The following IGF1R variants were observed in gnomAD, a reference collection of about 807,000 sequenced individuals.
The protein encoded by IGF1R is insulin-like growth factor 1 receptor.
A neutral mutation model predicts 144.6 loss-of-function variants in IGF1R; 44 were observed. That is an observed-to-expected ratio of 0.30 (90% CI 0.24 to 0.39). IGF1R has a LOEUF of 0.39. IGF1R is among the 10% of genes least tolerant of loss of function. IGF1R has a pLI of 1.00. For synonymous variants in IGF1R, 795 were observed against 722.8 expected (o/e 1.10, Z -1.60); for missense variants, 1,355 against 1,833.7 (o/e 0.74, Z 4.77).
intron 2 of IGF1R, among the ~76,000 whole-genome samples, chr15:98,743,325 G>A (rs2054790612): frequency 6.6e-6 from 1 of 152,142 alleles, no homozygotes; most frequent in African/African-American, 2.4e-5. Flanking sequence ...GAATTTTCAT[G>A]TCATTTGGAG....
chr15:98,735,428 C>T (rs1280610682), intron 2 of IGF1R, among the ~76,000 whole-genome samples: 11 of 152,204 alleles, frequency 7.2e-5, no homozygotes, highest in African/African-American at 2.7e-4. Context: ...ACCCTGCATC[C>T]CCACCTTCAG....
intron 2 of IGF1R, among the ~76,000 whole-genome samples, chr15:98,852,047 T>G (rs74649953): frequency 6.6e-6 from 1 of 152,088 alleles, no homozygotes; most frequent in South Asian, 2.1e-4. Context: ...AGGTGGAGGG[T>G]TGGGGTGGAG....
At chr15:98,650,038 C>T (rs1418363741) in intron 1 of IGF1R, among the ~76,000 whole-genome samples, 1 of 152,114 alleles carries the variant, frequency 6.6e-6, no homozygotes, top group African/African-American at 2.4e-5. Flanking sequence ...CTCGCCCCTT[C>T]CATGCGCAAG....
intron 2 of IGF1R, among the ~76,000 whole-genome samples, chr15:98,784,043 C>CTTG (rs1279361612): frequency 3.0e-5 from 4 of 131,956 alleles, no homozygotes; most frequent in African/African-American, 1.1e-4. Flanking sequence ...GGCGCAGTCT[C>CTTG]AGCTCACTGC....
chr15:98,785,883 A>G (rs2055981843), intron 2 of IGF1R, among the ~76,000 whole-genome samples: 2 of 152,266 alleles, frequency 1.3e-5, no homozygotes, highest in South Asian at 4.1e-4. Context: ...TTTCCTTAAA[A>G]CAAAGCACAC....
intron 1 of IGF1R, among the ~76,000 whole-genome samples, chr15:98,653,320 T>C (rs73473419): frequency 0.011 from 1,657 of 152,318 alleles, 42 homozygotes; most frequent in African/African-American, 0.038. Flanking sequence ...GGGCTGTTTG[T>C]ATTTCCAGTT....
At chr15:98,897,798 G>A (rs891927993) in intron 4 of IGF1R, among the ~76,000 whole-genome samples, 2 of 152,178 alleles carry the variant, frequency 1.3e-5, no homozygotes, top group Non-Finnish European at 1.5e-5. Flanking sequence ...TAGTAATGGT[G>A]CCTTAAATTC....
At chr15:98,800,072 A>T (rs1454363332) in intron 2 of IGF1R, among the ~76,000 whole-genome samples, 2 of 152,172 alleles carry the variant, frequency 1.3e-5, no homozygotes, top group Non-Finnish European at 2.9e-5. Flanking sequence ...TGCTGAGTCT[A>T]AAAAGTTTGG....
rs138786438 is a variant in IGF1R at position 98,674,052 on chromosome 15, G to A, written c.94+24377G>A. 1.2e-4 allele frequency among the ~76,000 whole-genome samples: 19 copies of A among 152,316 alleles called. No individual in the cohort carries two copies. In the East Asian group the frequency reaches 3.5e-3, roughly 28 times the overall value. ...GCCTCTGAATAGTTGAAATGTTAAT[G>A]CTATCTATAGGTTCTAGAGAATCTG... On this transcript the variant is annotated intron_variant, in intron 1 of 20. Transcript: ENST00000650285.
chr15:98,815,651 A>C (rs2056680936), intron 2 of IGF1R, among the ~76,000 whole-genome samples: 2 of 152,198 alleles, frequency 1.3e-5, no homozygotes, highest in African/African-American at 4.8e-5. Flanking sequence ...CAAATCTCTC[A>C]GTGCGTAGGA....
intron 2 of IGF1R, chr15:98,890,638 CCTCT>C (rs1290737315): frequency 1.3e-5 from 2 of 153,816 alleles, no homozygotes; most frequent in East Asian, 3.9e-4. Context: ...ATCTAAGAAC[CCTCT>C]CTTGGGGTCT....
intron 2 of IGF1R, among the ~76,000 whole-genome samples, chr15:98,823,647 G>A (rs927186933): frequency 5.9e-5 from 9 of 152,208 alleles, no homozygotes; most frequent in Admixed American, 1.3e-4. Context: ...CACAGGGCTG[G>A]TCTGAGCCCA....
Position 98,902,675 on chromosome 15 carries a change from A to G in IGF1R, c.1247+3054A>G, listed in dbSNP as rs180818799. 1.8e-3 allele frequency among the ~76,000 whole-genome samples: 273 copies of G among 152,104 alleles called. 2 individuals are homozygous for G. Among genetic ancestry groups the G allele is most frequent in the African/African-American group, 5.6e-3 (231 of 41,490 alleles). On this transcript the variant is annotated intron_variant, in intron 5 of 20. Coordinates refer to ENST00000650285, the MANE Select transcript of IGF1R (RefSeq NM_000875.5). ...GTGATCCGCCCGCCTCAGCCTCCCA[A>G]TGTGCTGGGATTACAGGCTTGAGCC... is the stretch of plus-strand genomic sequence containing the variant.
At position 98,884,780 on chromosome 15, in the gene IGF1R, C is replaced by T. The variant is rs2013557965; in HGVS notation, c.641-6545C>T. On this transcript the variant is annotated intron_variant, in intron 2 of 20. Transcript: ENST00000650285. Reference sequence around the variant, plus strand: ...GCTTTTCCTCATCTGCACTGCTGTCCTCTTGATCTGGGCTACTGAGGCTAG... The same window carrying T: ...GCTTTTCCTCATCTGCACTGCTGTCTTCTTGATCTGGGCTACTGAGGCTAG... 2.6e-5 allele frequency among the ~76,000 whole-genome samples: 4 copies of T among 152,020 alleles called. No homozygotes were observed. The South Asian group carries it at 8.3e-4, about 32-fold the overall frequency.
intron 2 of IGF1R, among the ~76,000 whole-genome samples, chr15:98,884,563 G>C (rs543462918): frequency 2.6e-5 from 4 of 151,788 alleles, no homozygotes; most frequent in Non-Finnish European, 5.9e-5. Context: ...GCATGGTGGC[G>C]GGCGCCTGTA....
intron 2 of IGF1R, among the ~76,000 whole-genome samples, chr15:98,869,446 T>TTA (rs2012660451): frequency 6.6e-6 from 1 of 151,516 alleles, no homozygotes; most frequent in African/African-American, 2.4e-5. Context: ...TTTTTTTTTT[T>TTA]TTTTTTAGAC....
intron 1 of IGF1R, among the ~76,000 whole-genome samples, chr15:98,701,072 A>G (rs1366121587): frequency 1.3e-5 from 2 of 152,054 alleles, no homozygotes; most frequent in Non-Finnish European, 2.9e-5. Context: ...TGTTGTACTA[A>G]GTTATTGGTT....
At chr15:98,827,069 C>T (rs1000227366) in intron 2 of IGF1R, among the ~76,000 whole-genome samples, 13 of 151,990 alleles carry the variant, frequency 8.6e-5, no homozygotes, top group Admixed American at 7.2e-4. Flanking sequence ...ATTTGAGTAC[C>T]GAGAATAAAC....
At chr15:98,769,067 T>C (rs1254651637) in intron 2 of IGF1R, among the ~76,000 whole-genome samples, 12 of 152,376 alleles carry the variant, frequency 7.9e-5, no homozygotes, top group Admixed American at 7.8e-4. Flanking sequence ...TGACCTGTTA[T>C]TTTAACTCTT....
Sources: allele counts gnomAD v4.1 joint callset (sites outside exome capture counted in the v4.1 genomes callset), GRCh38; gene constraint gnomAD v4.1.1; transcripts MANE v1.5; gene names NCBI Gene and HGNC (gene_info 2026-07-23, HGNC 2026-07-21).